Variants in QKI observed in about 807,000 individuals in gnomAD.
The protein encoded by QKI is QKI, KH domain containing RNA binding.
QKI carries 10 observed loss-of-function variants against 39.0 expected under a neutral mutation model. That is an observed-to-expected ratio of 0.26 (90% CI 0.16 to 0.43). The LOEUF is 0.43. Ranked by LOEUF, QKI falls within the 20% of genes least tolerant of loss-of-function variation. QKI has a pLI of 1.00. For synonymous variants in QKI, 204 were observed against 155.4 expected, an observed-to-expected ratio of 1.31 and a Z score of -2.33; for missense variants, 218 against 428.0, an observed-to-expected ratio of 0.51 and a Z score of 4.33.
intron 2 of QKI, among the ~76,000 whole-genome samples, chr6:163,475,390 G>A (rs188417404): frequency 7.2e-5 from 11 of 152,268 alleles, no homozygotes; most frequent in South Asian, 6.2e-4. Flanking sequence ...GATTTACACA[G>A]TATTTACATT....
chr6:163,550,383 C>T (rs992745928), intron 4 of QKI, among the ~76,000 whole-genome samples: 1 of 152,144 alleles, frequency 6.6e-6, no homozygotes, highest in South Asian at 2.1e-4. Context: ...TCATGATCCA[C>T]GTTGAGGATT....
rs1742655783 is a variant in QKI at position 163,578,489 on chromosome 6, T to C, written c.*7779T>C. 6.6e-6 allele frequency: 1 copy of C among 152,220 alleles called. No individual in the cohort carries two copies. Among genetic ancestry groups the C allele is most frequent in the South Asian group, 2.1e-4 (1 of 4,834 alleles). 9.4% of individuals were successfully genotyped at this position (152,220 alleles called of 1,614,324 possible). A position where few individuals can be genotyped will look rare whatever the true frequency, so the allele number is the denominator to read the frequency against. On this transcript the variant is annotated 3_prime_UTR_variant, in exon 8 of 8. Coordinates refer to ENST00000361752, the MANE Select transcript of QKI (RefSeq NM_006775.3). ...ACATACTGGTAGTACAAGTTGAAAGTTGGTTTGAATACATTTTAATTAAAT... is the reference window on the plus strand; with the variant it reads ...ACATACTGGTAGTACAAGTTGAAAGCTGGTTTGAATACATTTTAATTAAAT...
At position 163,575,920 on chromosome 6, in the gene QKI, CTT is replaced by C. The variant is rs1275733463; in HGVS notation, c.*5212_*5213del. On this transcript the variant is annotated 3_prime_UTR_variant, in exon 8 of 8. Transcript: ENST00000361752. Reference sequence around the variant, plus strand: ...TGTTTGACCAGGATGTGATGCCTGTCTTTATTCCTTGATAAGAAGTAGCTGTT... The same window carrying C: ...TGTTTGACCAGGATGTGATGCCTGTCTATTCCTTGATAAGAAGTAGCTGTT... The C allele has an allele frequency of 6.6e-6, 1 of 152,058 alleles. No individual in the cohort carries two copies. Among genetic ancestry groups the C allele is most frequent in the Admixed American group, 6.6e-5 (1 of 15,266 alleles). 9.4% of individuals were successfully genotyped at this position (152,058 alleles called of 1,614,324 possible). A position where few individuals can be genotyped will look rare whatever the true frequency, so the allele number is the denominator to read the frequency against.
At chr6:163,465,994 T>A (rs1483542368) in intron 2 of QKI, among the ~76,000 whole-genome samples, 1 of 151,612 alleles carries the variant, frequency 6.6e-6, no homozygotes, top group African/African-American at 2.4e-5. Context: ...GGTGTGGTGG[T>A]GCAGGCTGTA....
intron 1 of QKI, among the ~76,000 whole-genome samples, chr6:163,445,651 G>T (rs1001412709): frequency 7.1e-6 from 1 of 141,578 alleles, no homozygotes; most frequent in African/African-American, 2.7e-5. Context: ...GTCTTGCTCC[G>T]TTGCCCAGGC....
At chr6:163,481,122 A>C (rs569847260) in intron 3 of QKI, among the ~76,000 whole-genome samples, 49 of 152,348 alleles carry the variant, frequency 3.2e-4, no homozygotes, top group Admixed American at 1.2e-3. Flanking sequence ...AAACAAAAAG[A>C]AGTATTGATG....
intron 3 of QKI, among the ~76,000 whole-genome samples, chr6:163,502,154 C>T (rs537070371): frequency 6.6e-6 from 1 of 151,952 alleles, no homozygotes; most frequent in African/African-American, 2.4e-5. Flanking sequence ...GAAACCCCAT[C>T]TCTACAAAAA....
intron 2 of QKI, among the ~76,000 whole-genome samples, chr6:163,463,862 C>A (rs2128221333): frequency 6.6e-6 from 1 of 152,268 alleles, no homozygotes; most frequent in East Asian, 1.9e-4. Context: ...TTTGCTGCTA[C>A]CCATGTTTTC....
intron 3 of QKI, among the ~76,000 whole-genome samples, chr6:163,522,352 A>G (rs1445408449): frequency 6.6e-6 from 1 of 152,132 alleles, no homozygotes; most frequent in Non-Finnish European, 1.5e-5. Flanking sequence ...ATTATTATTT[A>G]TGTATTTATT....
intron 3 of QKI, among the ~76,000 whole-genome samples, chr6:163,528,352 GA>G (rs1425952460): frequency 6.6e-6 from 1 of 152,084 alleles, no homozygotes; most frequent in Non-Finnish European, 1.5e-5. Flanking sequence ...ACTATTTTAT[GA>G]TGCTGTTTTA....
At chr6:163,431,823 G>C (rs985513879) in intron 1 of QKI, among the ~76,000 whole-genome samples, 36 of 77,778 alleles carry the variant, frequency 4.6e-4, no homozygotes, top group African/African-American at 1.6e-3. Flanking sequence ...ACAAAAAACT[G>C]TTCTTATTAA....
chr6:163,507,821 A>G (rs897169029), intron 3 of QKI, among the ~76,000 whole-genome samples: 2 of 152,220 alleles, frequency 1.3e-5, no homozygotes, highest in African/African-American at 2.4e-5. Flanking sequence ...AAGCTCTGAA[A>G]GTAAATCATA....
intron 3 of QKI, among the ~76,000 whole-genome samples, chr6:163,518,102 A>G (rs1189984573): frequency 2.0e-5 from 3 of 152,194 alleles, no homozygotes; most frequent in Non-Finnish European, 4.4e-5. Flanking sequence ...CCAAAGTAAG[A>G]TTCTAGTTTA....
chr6:163,541,174 T>C (rs889539572), intron 4 of QKI, among the ~76,000 whole-genome samples: 1 of 152,072 alleles, frequency 6.6e-6, no homozygotes, highest in Admixed American at 6.6e-5. Flanking sequence ...TGCGTTTTTA[T>C]TATCATTCAG....
chr6:163,477,091 C>T (rs1290365744), intron 2 of QKI, among the ~76,000 whole-genome samples: 9 of 150,934 alleles, frequency 6.0e-5, no homozygotes, highest in Non-Finnish European at 1.2e-4. Context: ...TTTCAGCTCA[C>T]GGCAACCTCC....
At chr6:163,478,721 A>G (rs1356969173) in intron 2 of QKI, 59 bp from the exon 3 acceptor site, 1 of 1,095,552 alleles carries the variant, frequency 9.1e-7, no homozygotes, top group Non-Finnish European at 1.3e-6. Flanking sequence ...TTTATATTTT[A>G]AGAGCTGTAA....
chr6:163,473,945 C>T (rs1792388242), intron 2 of QKI, among the ~76,000 whole-genome samples: 2 of 151,876 alleles, frequency 1.3e-5, no homozygotes, highest in South Asian at 4.2e-4. Flanking sequence ...CACCAGAATG[C>T]CAGGAAACAA....
intron 4 of QKI, among the ~76,000 whole-genome samples, chr6:163,554,715 C>T (rs921681564): frequency 7.2e-5 from 11 of 152,206 alleles, no homozygotes; most frequent in African/African-American, 2.7e-4. Flanking sequence ...TGTTCAATTT[C>T]TCCTTTTCCC....
intron 3 of QKI, among the ~76,000 whole-genome samples, chr6:163,483,662 C>T (rs1793252068): frequency 6.6e-6 from 1 of 152,138 alleles, no homozygotes; most frequent in Non-Finnish European, 1.5e-5. Context: ...TTCTAGTTCT[C>T]TTGCTCTTTC....
Sources: allele counts gnomAD v4.1 joint callset (sites outside exome capture counted in the v4.1 genomes callset), GRCh38; gene constraint gnomAD v4.1.1; transcripts MANE v1.5; gene names NCBI Gene and HGNC (gene_info 2026-07-23, HGNC 2026-07-21).